The following SORCS2 variants were observed in gnomAD, a reference collection of about 807,000 sequenced individuals.
SORCS2 encodes the protein VPS10 domain-containing receptor SorCS2.
Under a neutral mutation model 141.6 loss-of-function variants are expected in SORCS2, and 100 were observed. The ratio of observed to expected loss-of-function variants is 0.71; its 90% CI spans 0.60 to 0.83. The LOEUF is 0.83. Among genes scored for constraint, SORCS2 ranks in the 40% least tolerant of loss-of-function variants. The pLI is 0.00. For synonymous variants in SORCS2, 789 were observed against 676.9 expected, an observed-to-expected ratio of 1.17 and a Z score of -2.57; for missense variants, 1,646 against 1,560.2, an observed-to-expected ratio of 1.05 and a Z score of -0.93.
At chr4:7,614,860 C>T (rs1480329316) in intron 3 of SORCS2, among the ~76,000 whole-genome samples, 1 of 151,874 alleles carries the variant, frequency 6.6e-6, no homozygotes, top group East Asian at 1.9e-4. Context: ...CACTGTCCAT[C>T]CATCCCTCTA....
At chr4:7,220,204 G>T (rs1363783471) in intron 1 of SORCS2, among the ~76,000 whole-genome samples, 2 of 149,928 alleles carry the variant, frequency 1.3e-5, no homozygotes, top group Admixed American at 1.3e-4. Context: ...GAGCCAGCTG[G>T]GTGCCATGGG....
chr4:7,272,933 G>A (rs916172382), intron 1 of SORCS2, among the ~76,000 whole-genome samples: 5 of 152,218 alleles, frequency 3.3e-5, no homozygotes, highest in African/African-American at 9.6e-5. Context: ...ACCCCTGAGG[G>A]CTGGTGTGTC....
chr4:7,452,551 C>G (rs551371764), intron 2 of SORCS2, among the ~76,000 whole-genome samples: 2 of 152,208 alleles, frequency 1.3e-5, no homozygotes, highest in South Asian at 4.1e-4. Flanking sequence ...TTCCGGGAGC[C>G]CTGCCCCAGC....
chr4:7,390,811 A>G (rs1292612720), intron 1 of SORCS2, among the ~76,000 whole-genome samples: 1 of 152,214 alleles, frequency 6.6e-6, no homozygotes, highest in African/African-American at 2.4e-5. Context: ...AGAAACTCCC[A>G]GGGCATGTTA....
At chr4:7,260,047 C>T (rs56255567) in intron 1 of SORCS2, among the ~76,000 whole-genome samples, 53,299 of 152,174 alleles carry the variant, frequency 0.35, 9,880 homozygotes, top group East Asian at 0.58. Context: ...TCTCACTCCC[C>T]TCTCCTGCCC....
chr4:7,298,701 G>A (rs1055231797), intron 1 of SORCS2, among the ~76,000 whole-genome samples: 7 of 152,194 alleles, frequency 4.6e-5, no homozygotes, highest in Admixed American at 3.9e-4. Flanking sequence ...CAGCACTCCC[G>A]CCGTAGTATA....
chr4:7,322,981 CTT>C (rs1718996055), intron 1 of SORCS2, among the ~76,000 whole-genome samples: 1 of 147,314 alleles, frequency 6.8e-6, no homozygotes, highest in Non-Finnish European at 1.5e-5. Context: ...CGTTTTTTAT[CTT>C]TTTCTGTATT....
rs374007065 is a variant in SORCS2, at chr4:7,506,192, G to T, written c.549-25338G>T. Among the ~76,000 whole-genome samples, 5 of 152,198 alleles carry T rather than the reference G, an allele frequency of 3.3e-5. No individual in the cohort carries two copies. In the East Asian group the frequency reaches 5.8e-4, roughly 18 times the overall value. ...GTGTGCGAGAGTCCCAGTGAACAGC[G>T]CGTGAGAAAAGGAACTTCTTTTAGT... On this transcript the variant is annotated intron_variant, in intron 2 of 26. Coordinates refer to ENST00000507866, the MANE Select transcript of SORCS2 (RefSeq NM_020777.3).
At position 7,663,090 on chromosome 4, in the gene SORCS2, G is replaced by A. The variant is rs1375443784; in HGVS notation, c.953-1263G>A. 6.6e-6 allele frequency among the ~76,000 whole-genome samples: 1 copy of A among 152,224 alleles called. No homozygotes were observed. The highest frequency in any genetic ancestry group is 1.5e-5 in the Non-Finnish European group (1 of 68,014). On this transcript the variant is annotated intron_variant, in intron 6 of 26. Coordinates refer to ENST00000507866, the MANE Select transcript of SORCS2 (RefSeq NM_020777.3). This position sits in a 1 kb window ranked among gnomAD's most constrained non-coding sequence, Gnocchi z 4.8. Reference sequence around the variant, plus strand: ...AGTGGGTGAATGAGTGAGTGAGTGAGTGAATGAGTAAGTGAATGAGAGAAT... The same window carrying A: ...AGTGGGTGAATGAGTGAGTGAGTGAATGAATGAGTAAGTGAATGAGAGAAT...
chr4:7,267,860 C>T (rs1352964132), intron 1 of SORCS2, among the ~76,000 whole-genome samples: 4 of 152,226 alleles, frequency 2.6e-5, no homozygotes, highest in Non-Finnish European at 5.9e-5. Context: ...TTGTCTGGGT[C>T]ATCGGGGGTC....
At chr4:7,392,231 C>T (rs560375282) in intron 1 of SORCS2, among the ~76,000 whole-genome samples, 19 of 152,296 alleles carry the variant, frequency 1.2e-4, no homozygotes, top group Non-Finnish European at 2.4e-4. Flanking sequence ...TTCTGGAGCC[C>T]GTCCCCTGAG....
intron 3 of SORCS2, among the ~76,000 whole-genome samples, chr4:7,634,510 C>T (rs1163563055): frequency 2.0e-5 from 3 of 152,130 alleles, no homozygotes; most frequent in South Asian, 2.1e-4. Context: ...TCTCCAATTA[C>T]AACTAAAGTA....
chr4:7,549,610 C>T (rs1040070380), intron 3 of SORCS2, among the ~76,000 whole-genome samples: 2 of 152,228 alleles, frequency 1.3e-5, no homozygotes, highest in Non-Finnish European at 1.5e-5. Context: ...TGGATGCTTT[C>T]TGCACAGAAA....
At chr4:7,382,992 T>C (rs1460473945) in intron 1 of SORCS2, among the ~76,000 whole-genome samples, 2 of 152,100 alleles carry the variant, frequency 1.3e-5, no homozygotes, top group African/African-American at 2.4e-5. Flanking sequence ...ATTTTTTAAA[T>C]ACCAACACAG....
intron 2 of SORCS2, among the ~76,000 whole-genome samples, chr4:7,525,791 C>G (rs1427930905): frequency 1.4e-5 from 2 of 144,382 alleles, no homozygotes; most frequent in African/African-American, 5.3e-5. Context: ...AGTCACCTGT[C>G]CCCTCCTCAT....
chr4:7,213,950 T>G (rs1383583879), intron 1 of SORCS2, among the ~76,000 whole-genome samples: 1 of 152,100 alleles, frequency 6.6e-6, no homozygotes, highest in African/African-American at 2.4e-5. Context: ...AGCTGTGAGG[T>G]TCCCTGCAGC....
chr4:7,591,344 A>C (rs1716902156), intron 3 of SORCS2, among the ~76,000 whole-genome samples: 1 of 152,228 alleles, frequency 6.6e-6, no homozygotes, highest in East Asian at 1.9e-4. Context: ...CCAGAGTCCC[A>C]GGGCTGGGAG....
At chr4:7,687,922 T>C (rs1004962889) in intron 10 of SORCS2, among the ~76,000 whole-genome samples, 17 of 152,190 alleles carry the variant, frequency 1.1e-4, no homozygotes, top group Admixed American at 3.9e-4. Flanking sequence ...TGTCCGTTCC[T>C]GGCTCTGTAG....
At chr4:7,277,439 C>T (rs1008961106) in intron 1 of SORCS2, among the ~76,000 whole-genome samples, 18 of 152,116 alleles carry the variant, frequency 1.2e-4, no homozygotes, top group Non-Finnish European at 2.1e-4. Context: ...CTTTCCGTGA[C>T]GAAGATGAGA....
Sources: gnomAD v4.1 joint callset for allele counts (sites outside exome capture counted in the v4.1 genomes callset) on GRCh38, gnomAD v4.1.1 for gene constraint, Gnocchi (gnomAD v3.1) non-coding constraint, MANE v1.5 for transcripts, NCBI Gene and HGNC (gene_info 2026-07-23, HGNC 2026-07-21) for gene names.